COL1A1: variants seen among roughly 807,000 people sequenced by gnomAD.
COL1A1 encodes the protein collagen alpha-1(I) chain.
Under a neutral mutation model 195.7 loss-of-function variants are expected in COL1A1, and 21 were observed. That is an observed-to-expected ratio of 0.11 (90% CI 0.08 to 0.15). The LOEUF is 0.15. Among genes scored for constraint, COL1A1 ranks in the 10% least tolerant of loss-of-function variants. The pLI is 1.00. For missense variants in COL1A1, 1,365 were observed against 2,051.0 expected (o/e 0.67, Z 6.46); for synonymous variants, 749 against 747.3 (o/e 1.00, Z -0.04).
rs895806530 is a variant in COL1A1 at position 50,184,490 on chromosome 17, A to T, written c.*1012T>A. 4.3e-6 allele frequency: 1 copy of T among 230,168 alleles called. No homozygotes were observed. Among genetic ancestry groups the T allele is most frequent in the Non-Finnish European group, 8.6e-6 (1 of 116,110 alleles). 14.3% of individuals were successfully genotyped at this position (230,168 alleles called of 1,614,324 possible). A position where few individuals can be genotyped will look rare whatever the true frequency, so the allele number is the denominator to read the frequency against. ...TCCCCATCCACAAAAAAAAAAAAAA[A>T]AAAAGAAAAATATCAAGGAATAAAA... On this transcript the variant is annotated 3_prime_UTR_variant, in exon 51 of 51. Transcript: ENST00000225964.
Position 50,199,207 on chromosome 17 carries a change from A to G in COL1A1, c.471+19T>C. 1 of 1,450,476 alleles carries G rather than the reference A, an allele frequency of 6.9e-7. No individual in the cohort carries two copies. The highest frequency in any genetic ancestry group is 9.1e-7 in the Non-Finnish European group (1 of 1,098,970). 89.9% of individuals were successfully genotyped at this position (1,450,476 alleles called of 1,614,324 possible). A position where few individuals can be genotyped will look rare whatever the true frequency, so the allele number is the denominator to read the frequency against. On this transcript the variant is annotated intron_variant, in intron 5 of 50. Transcript: ENST00000225964. Reference sequence around the variant, plus strand: ...AAACAAAACAGGGGAGAGTGGACACACAAGGCCTCTCCACTTACTCCTCCG... The same window carrying G: ...AAACAAAACAGGGGAGAGTGGACACGCAAGGCCTCTCCACTTACTCCTCCG...
At chr17:50,196,062 G>C (rs1413952948) in intron 15 of COL1A1, 86 bp from the exon 16 acceptor site, 1 of 1,605,660 alleles carries the variant, frequency 6.2e-7, no homozygotes, top group Non-Finnish European at 8.5e-7. Flanking sequence ...CTGGGGTTCA[G>C]ACCAACATAA....
intron 25 of COL1A1, chr17:50,193,476 T>G: frequency 4.9e-6 from 1 of 202,922 alleles, no homozygotes. Flanking sequence ...TTTCTTTCTT[T>G]CTTTCTTCTT....
chr17:50,190,374 G>C lies in COL1A1; in HGVS notation c.2404C>G (p.Arg802Gly), dbSNP rs1459870410. The C allele has an allele frequency of 6.2e-7, 1 of 1,612,162 alleles. No homozygotes were observed. Among genetic ancestry groups the C allele is most frequent in the Non-Finnish European group, 8.5e-7 (1 of 1,178,446 alleles). The change falls in exon 35 of 51, where the codon CGT becomes GGT. Residue 802 changes from arginine (R) to glycine (G), a missense_variant. Physicochemically the swap from Arg to Gly is moderately radical, Grantham distance 125. Around this residue, in one of 5 missense-constraint regions of COL1A1, gnomAD observed 671 missense variants for 1,099.9 expected, o/e 0.61. Coordinates refer to ENST00000225964, the MANE Select transcript of COL1A1 (RefSeq NM_000088.4). The surrounding 1 kb of genome is among the most constrained non-coding windows in gnomAD (Gnocchi z 4.7). The part of the protein sequence containing the change: ...PTGARGAPGD[R>G]GEPGPPGPAG... ...GGGCCGGGGGGACCAGGCTCACCAC[G>C]GTCTCCCTAGAAGAAAAGGAGTCAG...
chr17:50,198,151 G>A lies in COL1A1; in HGVS notation c.588+10C>T. 1 of 1,614,038 alleles carries A rather than the reference G, an allele frequency of 6.2e-7. No individual in the cohort carries two copies. Among genetic ancestry groups the A allele is most frequent in the Non-Finnish European group, 8.5e-7 (1 of 1,179,962 alleles). On this transcript the variant is annotated intron_variant, in intron 7 of 50. Transcript: ENST00000225964. ...CCAAGGAGGCATATGAAGACGTCCTGGATACTCACAGGTGCACCAGGGGGG... is the reference window on the plus strand; with the variant it reads ...CCAAGGAGGCATATGAAGACGTCCTAGATACTCACAGGTGCACCAGGGGGG...
chr17:50,186,948 G>T lies in COL1A1; in HGVS notation c.3532-26C>A, dbSNP rs759735972. 1.2e-6 allele frequency: 2 copies of T among 1,613,020 alleles called. 1 individual carries two copies. The highest frequency in any genetic ancestry group is 3.3e-4 in the Middle Eastern group (2 of 6,060). On this transcript the variant is annotated intron_variant, in intron 47 of 50. Transcript: ENST00000225964. The surrounding 1 kb of genome is among the most constrained non-coding windows in gnomAD (Gnocchi z 5.3). ...CTGCACAGAGAGGGAAGAGAGTGGG[G>T]ATTACCGGCATCCAAGTGCTTTGGG...
At position 50,188,732 on chromosome 17, in the gene COL1A1, G is replaced by A; in HGVS notation, c.3099+10C>T. 1 of 1,614,072 alleles carries A rather than the reference G, an allele frequency of 6.2e-7. No homozygotes were observed. The highest frequency in any genetic ancestry group is 8.5e-7 in the Non-Finnish European group (1 of 1,179,952). ...GACAAGGCTGTGGTCATGGAGTGTT[G>A]CCATCTTACCTTGGCGCCAGGAGAA... On this transcript the variant is annotated intron_variant, in intron 42 of 50. Coordinates refer to ENST00000225964, the MANE Select transcript of COL1A1 (RefSeq NM_000088.4). This position sits in a 1 kb window ranked among gnomAD's most constrained non-coding sequence, Gnocchi z 5.6.
Position 50,186,841 on chromosome 17 carries a change from G to A in COL1A1, c.3613C>T (p.Pro1205Ser), listed in dbSNP as rs1275295478. 1 of 1,614,168 alleles carries A rather than the reference G, an allele frequency of 6.2e-7. No homozygotes were observed. Among genetic ancestry groups the A allele is most frequent in the Admixed American group, 1.7e-5 (1 of 60,028 alleles). The change falls in exon 48 of 51, where the codon CCT (proline) becomes TCT (serine). Residue 1205 changes from proline to serine, a missense_variant. By Grantham distance (74) the Pro-to-Ser change is moderately conservative. Transcript: ENST00000225964. The surrounding 1 kb of genome is among the most constrained non-coding windows in gnomAD (Gnocchi z 5.3). Reference sequence around the variant, plus strand: ...CCACCATCGTGAGCCTTCTCTTGAGGTGGCTGGGGCAGGAAGCTGAAGTCG... The same window carrying A: ...CCACCATCGTGAGCCTTCTCTTGAGATGGCTGGGGCAGGAAGCTGAAGTCG... Reference protein sequence around the residue: ...GFDFSFLPQPPQEKAHDGGRY... With the variant: ...GFDFSFLPQPSQEKAHDGGRY...
chr17:50,198,391 C>G (rs1314643947), intron 6 of COL1A1, 42 bp downstream of exon 6: 4 of 1,602,308 alleles, frequency 2.5e-6, no homozygotes, highest in Non-Finnish European at 3.4e-6. Flanking sequence ...CTCTGGATAC[C>G]CATTCTCTCT....
In COL1A1 at chr17:50,190,069, C is replaced by T; in HGVS notation, c.2491G>A (p.Asp831Asn). Residue 831 changes from aspartate to asparagine, a missense_variant, in exon 36 of 51, where the codon GAT (aspartate) becomes AAT (asparagine). Transcript: ENST00000225964. This position sits in a 1 kb window ranked among gnomAD's most constrained non-coding sequence, Gnocchi z 4.7. ...GQPGAKGEPGDAGAKGDAGPP... is the reference protein window; with the variant it reads ...GQPGAKGEPGNAGAKGDAGPP... ...CCAGCATCGCCTTTAGCACCAGCAT[C>T]ACCAGGTTCGCCTTTAGCACCAGGT... 6.2e-7 allele frequency: 1 copy of T among 1,612,852 alleles called. No individual in the cohort carries two copies. Among genetic ancestry groups the T allele is most frequent in the Non-Finnish European group, 8.5e-7 (1 of 1,179,672 alleles).
chr17:50,198,447 C>A lies in COL1A1; in HGVS notation c.529G>T (p.Val177Leu), dbSNP rs537060488. The A allele has an allele frequency of 1.2e-6, 2 of 1,613,432 alleles. No homozygotes were observed. The highest frequency in any genetic ancestry group is 2.7e-5 in the African/African-American group (2 of 75,000). Residue 177 changes from valine to leucine, a missense_variant, in exon 6 of 51, where the codon GTG (valine) becomes TTG (leucine). This residue lies in a region of COL1A1 where 226 missense variants were observed against 372.9 expected (regional missense o/e 0.61). Transcript: ENST00000225964. ...YDEKSTGGIS[V>L]PGPMGPSGPR... is the part of the protein sequence containing the mutation. ...TGCTGGCTCACCATGGGGCCAGGCA[C>A]GGAAATTCCTCCGGTTGATTTCTCA...
Position 50,194,158 on chromosome 17 carries a change from G to A in COL1A1, c.1640C>T (p.Pro547Leu). The A allele has an allele frequency of 6.2e-7, 1 of 1,613,868 alleles. No individual in the cohort carries two copies. Among genetic ancestry groups the A allele is most frequent in the Non-Finnish European group, 8.5e-7 (1 of 1,179,976 alleles). The change falls in exon 24 of 51, where the codon CCT (proline) becomes CTT (leucine). Residue 547 changes from proline to leucine, a missense_variant. Coordinates refer to ENST00000225964, the MANE Select transcript of COL1A1 (RefSeq NM_000088.4). This position sits in a 1 kb window ranked among gnomAD's most constrained non-coding sequence, Gnocchi z 6.8. Reference protein sequence around the residue: ...AKGLTGSPGSPGPDGKTGPPG... With the variant: ...AKGLTGSPGSLGPDGKTGPPG... Reference sequence around the variant, plus strand: ...GGGGCCAGTTTTGCCATCAGGACCAGGGCTGCCAGGGCTTCCAGTCAGACC... The same window carrying A: ...GGGGCCAGTTTTGCCATCAGGACCAAGGCTGCCAGGGCTTCCAGTCAGACC...
rs1037624012 is a variant in COL1A1, at chr17:50,184,999, C to A, written c.*503G>T. ...CCTGGGGGTGCTGGGCGGGCAGGAG[C>A]GGGCTGAGGGTGGGGGCCACTTGGG... On this transcript the variant is annotated 3_prime_UTR_variant, in exon 51 of 51. Transcript: ENST00000225964. 1.7e-5 allele frequency: 4 copies of A among 232,180 alleles called. No homozygotes were observed. Among genetic ancestry groups the A allele is most frequent in the Non-Finnish European group, 2.5e-5 (3 of 117,812 alleles). The allele number at this position is 232,180 out of a possible 1,614,324, so 14.4% of individuals were successfully genotyped here.
At position 50,190,693 on chromosome 17, in the gene COL1A1, G is replaced by A; in HGVS notation, c.2344-97C>T. 3 of 1,515,354 alleles carry A rather than the reference G, an allele frequency of 2.0e-6. No individual in the cohort carries two copies. The highest frequency in any genetic ancestry group is 2.7e-6 in the Non-Finnish European group (3 of 1,096,534). 93.9% of individuals were successfully genotyped at this position (1,515,354 alleles called of 1,614,324 possible). A position where few individuals can be genotyped will look rare whatever the true frequency, so the allele number is the denominator to read the frequency against. ...GCCTCCCCTCCTTCTGGTCCCTCCA[G>A]GTTCCCAGGTTGACAGCTCAGTTTG... On this transcript the variant is annotated intron_variant, in intron 33 of 50. Transcript: ENST00000225964. This position sits in a 1 kb window ranked among gnomAD's most constrained non-coding sequence, Gnocchi z 4.7.
At position 50,197,994 on chromosome 17, in the gene COL1A1, T is replaced by G. The variant is rs771340677; in HGVS notation, c.597A>C (p.Gln199His). ...LPGPPGAPGP[Q>H]GFQGPPGEPG... The stretch of plus-strand genomic sequence containing the variant: ...GCTCACCAGGGGGACCTTGGAAGCC[T>G]TGGGGACCCTTGAGAAGAAGGAAAA... Residue 199 changes from glutamine to histidine, a missense_variant, in exon 8 of 51, where the codon CAA (glutamine) becomes CAC (histidine). Coordinates refer to ENST00000225964, the MANE Select transcript of COL1A1 (RefSeq NM_000088.4). The G allele has an allele frequency of 6.2e-7, 1 of 1,613,968 alleles. No homozygotes were observed. The highest frequency in any genetic ancestry group is 1.1e-5 in the South Asian group (1 of 91,066).
At position 50,198,419 on chromosome 17, in the gene COL1A1, C is replaced by T; in HGVS notation, c.543+14G>A. On this transcript the variant is annotated intron_variant, in intron 6 of 50. Transcript: ENST00000225964. ...TTCTCTCTTCTGTCATCCATGCTCC[C>T]CCTGCTGGCTCACCATGGGGCCAGG... 1.2e-6 allele frequency: 2 copies of T among 1,612,470 alleles called. No individual in the cohort carries two copies. Among genetic ancestry groups the T allele is most frequent in the East Asian group, 2.2e-5 (1 of 44,876 alleles).
Position 50,199,951 on chromosome 17 carries a change from G to C in COL1A1, c.104-4C>G. ...TGTACGCAGGTGATTGGTGGGACTGGGACAGGCGGAAGAGGGGCGTTGTCA... is the reference window on the plus strand; with the variant it reads ...TGTACGCAGGTGATTGGTGGGACTGCGACAGGCGGAAGAGGGGCGTTGTCA... On this transcript the variant is annotated splice_polypyrimidine_tract_variant and splice_region_variant and intron_variant, in intron 1 of 50. Coordinates refer to ENST00000225964, the MANE Select transcript of COL1A1 (RefSeq NM_000088.4). 1 of 1,614,104 alleles carries C rather than the reference G, an allele frequency of 6.2e-7. No individual in the cohort carries two copies. Among genetic ancestry groups the C allele is most frequent in the Non-Finnish European group, 8.5e-7 (1 of 1,180,044 alleles).
rs1399589995 is a variant in COL1A1, at chr17:50,185,990, C to T, written c.4036G>A (p.Ala1346Thr). 2 of 1,613,020 alleles carry T rather than the reference C, an allele frequency of 1.2e-6. No individual in the cohort carries two copies. The highest frequency in any genetic ancestry group is 1.7e-6 in the Non-Finnish European group (2 of 1,179,988). ...FEYGGQGSDP[A>T]DVAIQLTFLR... ...AAGGTCAGCTGGATGGCCACATCGG[C>T]AGGGTCGGAGCCCTGGCCGCCATAC... The change falls in exon 50 of 51, where the codon GCC becomes ACC. Residue 1346 changes from alanine to threonine, a missense_variant. By Grantham distance (58) the Ala-to-Thr change is moderately conservative. Coordinates refer to ENST00000225964, the MANE Select transcript of COL1A1 (RefSeq NM_000088.4).
In COL1A1 at chr17:50,199,850, C is replaced by A; in HGVS notation, c.201G>T (p.Lys67Asn). Residue 67 changes from lysine to asparagine, a missense_variant, in exon 2 of 51, where the codon AAG (lysine) becomes AAT (asparagine). By Grantham distance (94) the Lys-to-Asn change is moderately conservative (BLOSUM62 0). Transcript: ENST00000225964. ...PCRICVCDNG[K>N]VLCDDVICDE... ...CACAGATCACGTCATCGCACAACAC[C>A]TTGCCGTTGTCGCAGACGCAGATCC... The A allele has an allele frequency of 6.2e-7, 1 of 1,614,236 alleles. No homozygotes were observed. The highest frequency in any genetic ancestry group is 8.5e-7 in the Non-Finnish European group (1 of 1,180,046).
Sources: gnomAD v4.1 joint callset for allele counts on GRCh38, gnomAD v4.1.1 for gene constraint, gnomAD v4.1.1 regional missense constraint, Gnocchi (gnomAD v3.1) non-coding constraint, MANE v1.5 for transcripts, NCBI Gene and HGNC (gene_info 2026-07-23, HGNC 2026-07-21) for gene names.